RBFOX1: variants seen among roughly 807,000 people sequenced by gnomAD.
The protein encoded by RBFOX1 is RNA binding protein fox-1 homolog 1.
Under a neutral mutation model 57.7 loss-of-function variants are expected in RBFOX1, and 8 were observed. That is an observed-to-expected ratio of 0.14 (90% CI 0.08 to 0.25). The LOEUF (loss-of-function observed/expected upper bound fraction) is 0.25, where lower values mean the gene tolerates loss of function less well. RBFOX1 is among the 10% of genes least tolerant of loss of function. The probability of loss-of-function intolerance (pLI) is 1.00; values close to 1 mark genes in which losing one functional copy is unlikely to be tolerated. For synonymous variants in RBFOX1, 326 were observed against 222.4 expected (o/e 1.47, Z -4.15); for missense variants, 611 against 548.5 (o/e 1.11, Z -1.14).
At chr16:5,495,173 G>A (rs1004764278) in intron 2 of RBFOX1, among the ~76,000 whole-genome samples, 2 of 152,248 alleles carry the variant, frequency 1.3e-5, no homozygotes, top group South Asian at 2.1e-4. Flanking sequence ...ATCTTTACAC[G>A]GCAGATCAGG....
At chr16:5,503,235 A>C (rs1396161112) in intron 2 of RBFOX1, among the ~76,000 whole-genome samples, 4 of 152,130 alleles carry the variant, frequency 2.6e-5, no homozygotes, top group Non-Finnish European at 4.4e-5. Flanking sequence ...CTTTGCACTT[A>C]TTTTTGTTCT....
At chr16:6,109,438 A>G (rs1401855241) in intron 1 of RBFOX1, among the ~76,000 whole-genome samples, 2 of 152,190 alleles carry the variant, frequency 1.3e-5, no homozygotes, top group Admixed American at 6.5e-5. Context: ...AGCCTTTCTT[A>G]TCACCCCAGG....
chr16:7,130,342 C>T (rs11077140), intron 4 of RBFOX1, among the ~76,000 whole-genome samples: 45,088 of 151,964 alleles, frequency 0.3, 7,685 homozygotes, highest in African/African-American at 0.48. Flanking sequence ...GGCCTGAAGA[C>T]TGATTATTTT....
chr16:5,252,304 C>T (rs2062472484), intron 1 of RBFOX1, among the ~76,000 whole-genome samples: 1 of 152,210 alleles, frequency 6.6e-6, no homozygotes, highest in South Asian at 2.1e-4. Flanking sequence ...CCAGTTAAAC[C>T]TGAATTTCTC....
intron 1 of RBFOX1, among the ~76,000 whole-genome samples, chr16:5,285,955 A>G (rs2063383854): frequency 6.6e-6 from 1 of 152,136 alleles, no homozygotes; most frequent in Non-Finnish European, 1.5e-5. Flanking sequence ...TATTTTTAGT[A>G]GAGACAGGGT....
intron 1 of RBFOX1, among the ~76,000 whole-genome samples, chr16:6,235,532 A>G (rs2097499057): frequency 6.8e-6 from 1 of 147,400 alleles, no homozygotes; most frequent in African/African-American, 2.5e-5. Context: ...GGATAAAGAA[A>G]CTGTGGTGTG....
chr16:6,638,648 T>C (rs2098463359), intron 2 of RBFOX1, among the ~76,000 whole-genome samples: 1 of 152,218 alleles, frequency 6.6e-6, no homozygotes, highest in Admixed American at 6.5e-5. Flanking sequence ...ATTTATATAA[T>C]GTTTAGCCCT....
At chr16:7,524,784 T>C (rs991166053) in intron 5 of RBFOX1, among the ~76,000 whole-genome samples, 7 of 152,240 alleles carry the variant, frequency 4.6e-5, no homozygotes, top group Admixed American at 3.9e-4. Context: ...TTTAGGAAGA[T>C]AAGGTATTGG....
intron 4 of RBFOX1, among the ~76,000 whole-genome samples, chr16:5,932,780 C>T (rs1020139852): frequency 1.3e-5 from 2 of 152,144 alleles, no homozygotes; most frequent in Non-Finnish European, 2.9e-5. Flanking sequence ...GAAGAATTCA[C>T]ATACTCATTT....
In RBFOX1 at chr16:7,451,818, C is replaced by T. The variant is rs138133901; in HGVS notation, c.28-66329C>T. Among the ~76,000 whole-genome samples, 3 of 152,180 alleles carry T rather than the reference C, an allele frequency of 2.0e-5. No individual in the cohort carries two copies. In the East Asian group the frequency reaches 5.8e-4, roughly 29 times the overall value. On this transcript the variant is annotated intron_variant, in intron 4 of 15. Coordinates refer to ENST00000550418, the MANE Select transcript of RBFOX1 (RefSeq NM_018723.4). ...GAGACCACTGGCCAGCCCTCCTTCTCACCTCCCAGTTCCCTAATCTAATTT... is the reference window on the plus strand; with the variant it reads ...GAGACCACTGGCCAGCCCTCCTTCTTACCTCCCAGTTCCCTAATCTAATTT...
At chr16:5,817,662 C>T (rs535344134) in intron 3 of RBFOX1, among the ~76,000 whole-genome samples, 39 of 150,536 alleles carry the variant, frequency 2.6e-4, no homozygotes, top group African/African-American at 8.8e-4. Context: ...CTGGAGATGC[C>T]GACAGGGTGC....
intron 4 of RBFOX1, among the ~76,000 whole-genome samples, chr16:7,279,768 C>G (rs758258060): frequency 6.6e-6 from 1 of 152,226 alleles, no homozygotes; most frequent in South Asian, 2.1e-4. Context: ...GGAAAGAGCT[C>G]ATAGTTCCTC....
At chr16:7,408,236 A>C (rs2098380118) in intron 4 of RBFOX1, among the ~76,000 whole-genome samples, 1 of 152,166 alleles carries the variant, frequency 6.6e-6, no homozygotes, top group South Asian at 2.1e-4. Flanking sequence ...TGACACTCAA[A>C]TCATTTAGAT....
intron 4 of RBFOX1, among the ~76,000 whole-genome samples, chr16:7,493,748 C>T (rs767416176): frequency 1.3e-5 from 2 of 152,216 alleles, no homozygotes; most frequent in African/African-American, 4.8e-5. Flanking sequence ...CCTGGTGACA[C>T]CTTGACTTTA....
chr16:5,587,413 C>G lies in RBFOX1; in HGVS notation c.259-11489C>G, dbSNP rs566463875. 3.3e-5 allele frequency among the ~76,000 whole-genome samples: 5 copies of G among 152,310 alleles called. No individual in the cohort carries two copies. The East Asian group carries it at 5.8e-4, about 18-fold the overall frequency. On this transcript the variant is annotated intron_variant, in intron 2 of 2. Coordinates refer to the RBFOX1 transcript ENST00000585867. The stretch of plus-strand genomic sequence containing the variant: ...GCACACCCATTAGAATGGCTAGAAT[C>G]TAAAAGTCAGATAATTGGGCCTGGT...
chr16:6,936,519 G>A (rs114621011), intron 3 of RBFOX1, among the ~76,000 whole-genome samples: 2 of 152,164 alleles, frequency 1.3e-5, no homozygotes, highest in African/African-American at 2.4e-5. Context: ...ATCCAGAAAC[G>A]TAAAATGCTC....
chr16:7,368,641 G>A (rs541523106), intron 4 of RBFOX1, among the ~76,000 whole-genome samples: 26 of 151,656 alleles, frequency 1.7e-4, no homozygotes, highest in South Asian at 2.1e-4. Context: ...TTAGCCAGGC[G>A]TGGTGGCGGG....
intron 3 of RBFOX1, among the ~76,000 whole-genome samples, chr16:6,781,677 C>G (rs76244387): frequency 0.016 from 2,451 of 152,054 alleles, 83 homozygotes; most frequent in African/African-American, 0.056. Context: ...AGGAATTTAT[C>G]CATTTCTTCC....
chr16:5,793,856 T>C (rs2151737571), intron 3 of RBFOX1, among the ~76,000 whole-genome samples: 1 of 152,354 alleles, frequency 6.6e-6, no homozygotes, highest in South Asian at 2.1e-4. Context: ...ACAAATGTAC[T>C]GGGAGACTGG....
Sources: allele counts gnomAD v4.1 joint callset (sites outside exome capture counted in the v4.1 genomes callset), GRCh38; gene constraint gnomAD v4.1.1; transcripts MANE v1.5; gene names NCBI Gene and HGNC (gene_info 2026-07-23, HGNC 2026-07-21).